ATP8B4: variants seen among roughly 807,000 people sequenced by gnomAD.
ATP8B4 encodes the protein ATPase phospholipid transporting 8B4 (putative).
In ATP8B4, 133 loss-of-function variants were observed where a neutral mutation model predicts 145.6. That is an observed-to-expected ratio of 0.91 (90% CI 0.79 to 1.05). ATP8B4 has a LOEUF of 1.05. Among genes scored for constraint, ATP8B4 ranks in the 50% least tolerant of loss-of-function variants. The probability of loss-of-function intolerance (pLI) is 0.00; values close to 1 mark genes in which losing one functional copy is unlikely to be tolerated. For synonymous variants in ATP8B4, 507 were observed against 492.9 expected (o/e 1.03, Z -0.38); for missense variants, 1,458 against 1,425.2 (o/e 1.02, Z -0.37).
intron 13 of ATP8B4, among the ~76,000 whole-genome samples, chr15:49,964,008 T>C (rs1228449111): frequency 6.6e-6 from 1 of 152,236 alleles, no homozygotes; most frequent in Non-Finnish European, 1.5e-5. Flanking sequence ...TTCTGTTTTA[T>C]GGATAAGGGA....
At chr15:50,049,085 C>T (rs745926244) in intron 3 of ATP8B4, among the ~76,000 whole-genome samples, 9 of 152,208 alleles carry the variant, frequency 5.9e-5, no homozygotes, top group African/African-American at 1.9e-4. Context: ...GAACTGTTTT[C>T]GCACAGGATC....
chr15:49,888,102 C>T (rs1443720003), intron 23 of ATP8B4, among the ~76,000 whole-genome samples: 1 of 152,156 alleles, frequency 6.6e-6, no homozygotes, highest in Non-Finnish European at 1.5e-5. Context: ...ATATGAGGTG[C>T]TCAGCCTCAG....
At chr15:50,012,476 G>C (rs1359199339) in intron 6 of ATP8B4, among the ~76,000 whole-genome samples, 1 of 152,096 alleles carries the variant, frequency 6.6e-6, no homozygotes, top group African/African-American at 2.4e-5. Flanking sequence ...AGAAACAGTA[G>C]GCAGTAGTTC....
chr15:50,085,460 T>C (rs151118429), intron 2 of ATP8B4, among the ~76,000 whole-genome samples: 3 of 152,114 alleles, frequency 2.0e-5, no homozygotes, highest in Non-Finnish European at 4.4e-5. Context: ...CAGATACTTC[T>C]ACATAGAGTT....
chr15:50,064,068 T>C lies in ATP8B4; in HGVS notation c.87+10059A>G, dbSNP rs547838837. Among the ~76,000 whole-genome samples the C allele has an allele frequency of 2.0e-5, 3 of 152,276 alleles. No homozygotes were observed. The South Asian group carries it at 6.2e-4, about 32-fold the overall frequency. On this transcript the variant is annotated intron_variant, in intron 3 of 27. Coordinates refer to ENST00000284509, the MANE Select transcript of ATP8B4 (RefSeq NM_024837.4). ...CAGGACATGGAGTTGGTTAGAATTCTGTAAAGAGAGTTGAATGGAAAAGCT... is the reference window on the plus strand; with the variant it reads ...CAGGACATGGAGTTGGTTAGAATTCCGTAAAGAGAGTTGAATGGAAAAGCT...
At chr15:49,933,642 A>T (rs2041465844) in intron 15 of ATP8B4, among the ~76,000 whole-genome samples, 1 of 152,090 alleles carries the variant, frequency 6.6e-6, no homozygotes, top group African/African-American at 2.4e-5. Flanking sequence ...ATAATGAGAG[A>T]TGTGTGACTC....
chr15:50,024,639 A>G (rs1302944351), intron 6 of ATP8B4, among the ~76,000 whole-genome samples: 3 of 152,202 alleles, frequency 2.0e-5, no homozygotes, highest in Non-Finnish European at 4.4e-5. Context: ...AAACCCCAGC[A>G]AGTCTATTTC....
chr15:49,915,253 A>C (rs1378005392), intron 20 of ATP8B4, among the ~76,000 whole-genome samples: 2 of 152,152 alleles, frequency 1.3e-5, no homozygotes, highest in African/African-American at 4.8e-5. Context: ...GAAAACTAAA[A>C]AAGTTGATCT....
At chr15:50,030,184 G>GT (rs527254563) in intron 6 of ATP8B4, among the ~76,000 whole-genome samples, 90 of 148,834 alleles carry the variant, frequency 6.0e-4, no homozygotes, top group African/African-American at 1.7e-3. Context: ...TGAGGTTTGA[G>GT]TTTTTTTTTT....
intron 20 of ATP8B4, among the ~76,000 whole-genome samples, chr15:49,915,836 T>TC (rs2039681009): frequency 6.9e-6 from 1 of 145,312 alleles, no homozygotes; most frequent in Admixed American, 6.9e-5. Flanking sequence ...TATAGCAGGT[T>TC]TTTTTTTTTT....
intron 6 of ATP8B4, among the ~76,000 whole-genome samples, chr15:50,025,408 T>C (rs1211777790): frequency 6.6e-6 from 1 of 152,194 alleles, no homozygotes; most frequent in African/African-American, 2.4e-5. Context: ...CTCCGCCTTA[T>C]TCTCTGGACT....
intron 2 of ATP8B4, among the ~76,000 whole-genome samples, chr15:50,105,478 G>C (rs771247822): frequency 6.6e-6 from 1 of 152,074 alleles, no homozygotes; most frequent in Non-Finnish European, 1.5e-5. Flanking sequence ...TAAAAATAAT[G>C]TTATTGAGAA....
intron 23 of ATP8B4, among the ~76,000 whole-genome samples, chr15:49,893,444 A>T (rs1418259318): frequency 6.6e-6 from 1 of 152,240 alleles, no homozygotes; most frequent in Non-Finnish European, 1.5e-5. Context: ...TGTAGTATAT[A>T]CATACAATGT....
chr15:49,938,308 G>A lies in ATP8B4; in HGVS notation c.1288-4126C>T, dbSNP rs2041895582. On this transcript the variant is annotated intron_variant, in intron 14 of 27. Coordinates refer to ENST00000284509, the MANE Select transcript of ATP8B4 (RefSeq NM_024837.4). ...TCAATATTAACTTTGAATGCAAATG[G>A]TCTACATGCCCCACTTAAAAGGCAC... Among the ~76,000 whole-genome samples, 6 of 152,150 alleles carry A rather than the reference G, an allele frequency of 3.9e-5. No homozygotes were observed. In the South Asian group the frequency reaches 1.2e-3, roughly 32 times the overall value.
At position 49,879,345 on chromosome 15, in the gene ATP8B4, A is replaced by G. The variant is rs376131377; in HGVS notation, c.2781+31T>C. ...AAAAACTAAAAGGCATAAAAGAGAA[A>G]CTAAGTTATAAAGATGGAAAAAAAA... On this transcript the variant is annotated intron_variant, in intron 24 of 27. Transcript: ENST00000284509. The G allele has an allele frequency of 8.3e-6, 13 of 1,564,076 alleles. No individual in the cohort carries two copies. The African/African-American group carries it at 1.6e-4, about 20-fold the overall frequency.
At chr15:49,886,764 C>A (rs561647139) in intron 23 of ATP8B4, among the ~76,000 whole-genome samples, 1 of 152,188 alleles carries the variant, frequency 6.6e-6, no homozygotes, top group South Asian at 2.1e-4. Flanking sequence ...ATTGGCTTAG[C>A]ACAGTTTAGA....
intron 24 of ATP8B4, 49 bp from the exon 25 acceptor site, chr15:49,876,572 G>A: frequency 6.2e-7 from 1 of 1,608,722 alleles, no homozygotes; most frequent in Non-Finnish European, 8.5e-7. Flanking sequence ...AAGAGTCAGA[G>A]AGGCCTTGTA....
chr15:49,895,061 C>T lies in ATP8B4; in HGVS notation c.2697+2231G>A, dbSNP rs539411871. The T allele has an allele frequency of 2.0e-5, 3 of 152,160 alleles. No homozygotes were observed. The East Asian group carries it at 5.8e-4, about 29-fold the overall frequency. The allele number at this position is 152,160 out of a possible 1,614,324, so 9.4% of individuals were successfully genotyped here. On this transcript the variant is annotated intron_variant, in intron 23 of 27. Coordinates refer to ENST00000284509, the MANE Select transcript of ATP8B4 (RefSeq NM_024837.4). ...CCTTTTCCACCTGGCCCTGTCTTAG[C>T]GCAGGTAAAATATGCCTCAGGGACA... is the stretch of plus-strand genomic sequence containing the variant.
rs2031134582 is a variant in ATP8B4, at chr15:49,858,823, C to G, written c.*1371G>C. Reference sequence around the variant, plus strand: ...GATTCCAGTTTTTTCATATTCTCTTCCAATTGCTCTGTTATACTGATGTTG... The same window carrying G: ...GATTCCAGTTTTTTCATATTCTCTTGCAATTGCTCTGTTATACTGATGTTG... On this transcript the variant is annotated 3_prime_UTR_variant, in exon 28 of 28. Coordinates refer to ENST00000284509, the MANE Select transcript of ATP8B4 (RefSeq NM_024837.4). 1.3e-5 allele frequency: 2 copies of G among 152,146 alleles called. No individual in the cohort carries two copies. The highest frequency in any genetic ancestry group is 4.8e-5 in the African/African-American group (2 of 41,430). The allele number at this position is 152,146 out of a possible 1,614,324, so 9.4% of individuals were successfully genotyped here. A position where few individuals can be genotyped will look rare whatever the true frequency, so the allele number is the denominator to read the frequency against.
Sources: gnomAD v4.1 joint callset for allele counts (sites outside exome capture counted in the v4.1 genomes callset) on GRCh38, gnomAD v4.1.1 for gene constraint, MANE v1.5 for transcripts, NCBI Gene and HGNC (gene_info 2026-07-23, HGNC 2026-07-21) for gene names.